The following CPAP variants were observed in gnomAD, a reference collection of about 807,000 sequenced individuals.
CPAP encodes centrosomal P4.1-associated protein.
chr13:24,905,807 G>T, the CPAP span: 3 of 1,614,006 alleles, frequency 1.9e-6, no homozygotes, highest in Non-Finnish European at 2.5e-6. Context: ...TTGGGTCCTG[G>T]TGTCCTTAAA....
chr13:24,896,993 A>G, the CPAP span, among the ~76,000 whole-genome samples: 1 of 152,258 alleles, frequency 6.6e-6, no homozygotes, highest in Non-Finnish European at 1.5e-5. Context: ...CAGATTGTTT[A>G]AAAGAAATTC....
At chr13:24,910,809 A>C in the CPAP span, among the ~76,000 whole-genome samples, 1 of 152,238 alleles carries the variant, frequency 6.6e-6, no homozygotes, top group Non-Finnish European at 1.5e-5. Flanking sequence ...TTCCATAAAG[A>C]AACCCTAAGC....
chr13:24,907,528 A>C, the CPAP span, among the ~76,000 whole-genome samples: 2 of 152,188 alleles, frequency 1.3e-5, no homozygotes, highest in African/African-American at 4.8e-5. Flanking sequence ...TAATTAAGAA[A>C]GGCCCTTAAT....
chr13:24,906,923 T>TTTGG, the CPAP span: 6 of 1,613,966 alleles, frequency 3.7e-6, no homozygotes, highest in Non-Finnish European at 4.2e-6. Context: ...AAATGGTTGT[T>TTTGG]TTGGTTTTGC....
chr13:24,905,473 C>T, the CPAP span: 8 of 1,614,184 alleles, frequency 5.0e-6, no homozygotes, highest in Non-Finnish European at 6.8e-6. Context: ...TTCTGCTCCT[C>T]CTGGACTTGC....
chr13:24,885,615 A>T, the CPAP span: 3 of 1,609,072 alleles, frequency 1.9e-6, no homozygotes, highest in Non-Finnish European at 2.6e-6. Context: ...CTTGTCCCTT[A>T]TCCAAATTGC....
At chr13:24,888,666 G>A in the CPAP span, among the ~76,000 whole-genome samples, 1 of 152,170 alleles carries the variant, frequency 6.6e-6, no homozygotes, top group Non-Finnish European at 1.5e-5. Context: ...ATATATCCTA[G>A]AGAAGCCACA....
At chr13:24,883,713 GAGTT>G in the CPAP span, among the ~76,000 whole-genome samples, 2 of 152,180 alleles carry the variant, frequency 1.3e-5, no homozygotes, top group African/African-American at 2.4e-5. Flanking sequence ...GTGGGGAAGA[GAGTT>G]AGTTATTCCT....
At chr13:24,911,244 G>A in the CPAP span, among the ~76,000 whole-genome samples, 41 of 152,228 alleles carry the variant, frequency 2.7e-4, 1 homozygote, top group South Asian at 8.3e-3. Flanking sequence ...TATGAGTCAC[G>A]ATTTTAAACA....
the CPAP span, among the ~76,000 whole-genome samples, chr13:24,921,887 T>C: frequency 1.3e-5 from 2 of 152,158 alleles, no homozygotes; most frequent in African/African-American, 2.4e-5. Flanking sequence ...TAAAAATATA[T>C]TTAATGTCAG....
the CPAP span, among the ~76,000 whole-genome samples, chr13:24,928,128 G>A: frequency 6.6e-6 from 1 of 152,214 alleles, no homozygotes; most frequent in Non-Finnish European, 1.5e-5. Context: ...AGCTCCAGCT[G>A]TTCAAGACTA....
chr13:24,914,748 C>T, the CPAP span, among the ~76,000 whole-genome samples: 1 of 152,030 alleles, frequency 6.6e-6, no homozygotes, highest in Admixed American at 6.6e-5. Flanking sequence ...TGAACTCCAG[C>T]CTGGGCAACA....
the CPAP span, among the ~76,000 whole-genome samples, chr13:24,896,056 T>C: frequency 6.6e-6 from 1 of 152,218 alleles, no homozygotes; most frequent in East Asian, 1.9e-4. Context: ...ATTAAGTATA[T>C]ATCTGTTTTT....
the CPAP span, chr13:24,903,837 TTTAAA>T: frequency 7.4e-7 from 1 of 1,357,116 alleles, no homozygotes; most frequent in Non-Finnish European, 1.1e-6. Context: ...GTTTGACTGA[TTTAAA>T]TTGTTTCAGA....
the CPAP span, among the ~76,000 whole-genome samples, chr13:24,895,054 A>T: frequency 6.6e-6 from 1 of 152,228 alleles, no homozygotes; most frequent in Non-Finnish European, 1.5e-5. Context: ...CCCGCGGGCA[A>T]GGCTCAGGCA....
the CPAP span, among the ~76,000 whole-genome samples, chr13:24,920,066 C>T: frequency 3.2e-3 from 491 of 152,276 alleles, 1 homozygote; most frequent in Admixed American, 5.9e-3. Flanking sequence ...GTCACTGCGC[C>T]CAGCCTAAAA....
the CPAP span, among the ~76,000 whole-genome samples, chr13:24,900,695 G>A: frequency 2.6e-5 from 4 of 152,176 alleles, no homozygotes; most frequent in African/African-American, 9.6e-5. Context: ...AACGCAGGCT[G>A]GCTCTGGATG....
the CPAP span, chr13:24,885,185 A>G: frequency 2.3e-6 from 2 of 870,332 alleles, no homozygotes; most frequent in Non-Finnish European, 3.8e-6. Flanking sequence ...ATCTTGTCCA[A>G]AGAGCCCTTA....
At chr13:24,919,788 G>T in the CPAP span, among the ~76,000 whole-genome samples, 11 of 151,494 alleles carry the variant, frequency 7.3e-5, no homozygotes, top group Admixed American at 2.0e-4. Context: ...TTCTGAGACA[G>T]GGTCTCACAA....
Sources: gnomAD v4.1 joint callset for allele counts (sites outside exome capture counted in the v4.1 genomes callset) on GRCh38, gnomAD v4.1.1 for gene constraint, MANE v1.5 for transcripts, NCBI Gene and HGNC (gene_info 2026-07-23, HGNC 2026-07-21) for gene names.